Variants in MSI2 observed in about 807,000 individuals in gnomAD.
The protein encoded by MSI2 is RNA-binding protein Musashi homolog 2.
In MSI2, 17 loss-of-function variants were observed where a neutral mutation model predicts 45.6. The observed-to-expected ratio is 0.37, with a 90% CI of 0.26 to 0.56. MSI2 has a LOEUF of 0.56. Among genes scored for constraint, MSI2 ranks in the 20% least tolerant of loss-of-function variants. The pLI is 0.77. For missense variants in MSI2, 293 were observed against 444.2 expected (o/e 0.66, Z 3.06); for synonymous variants, 156 against 158.2 (o/e 0.99, Z 0.11).
chr17:57,554,870 C>T (rs1254300019), intron 7 of MSI2, among the ~76,000 whole-genome samples: 2 of 152,262 alleles, frequency 1.3e-5, no homozygotes, highest in African/African-American at 4.8e-5. Context: ...ACCATCCCTT[C>T]CTGCTGCTCG....
At chr17:57,608,681 TGTC>T (rs1906917323) in intron 8 of MSI2, among the ~76,000 whole-genome samples, 1 of 152,256 alleles carries the variant, frequency 6.6e-6, no homozygotes, top group Non-Finnish European at 1.5e-5. Context: ...AAGGACCCCT[TGTC>T]GTCTTTTTGT....
At chr17:57,260,191 A>T (rs927988378) in intron 4 of MSI2, 3 of 152,200 alleles carry the variant, frequency 2.0e-5, no homozygotes, top group Non-Finnish European at 2.9e-5. Context: ...TTTAAAAAAT[A>T]GTTGACAGGG....
intron 6 of MSI2, among the ~76,000 whole-genome samples, chr17:57,509,392 G>A (rs1327516632): frequency 6.6e-6 from 1 of 152,142 alleles, no homozygotes; most frequent in Non-Finnish European, 1.5e-5. Flanking sequence ...GGCCTCACCA[G>A]TCTGGCGTCA....
At chr17:57,495,873 C>T (rs1322803320) in intron 6 of MSI2, among the ~76,000 whole-genome samples, 1 of 152,170 alleles carries the variant, frequency 6.6e-6, no homozygotes, top group Non-Finnish European at 1.5e-5. Flanking sequence ...TATGTGGGAA[C>T]GCAGAGCACA....
At chr17:57,420,479 A>G (rs564994300) in intron 6 of MSI2, among the ~76,000 whole-genome samples, 9 of 152,316 alleles carry the variant, frequency 5.9e-5, no homozygotes, top group African/African-American at 2.4e-5. Context: ...GTCCATAGCC[A>G]TGTTTCAAAT....
intron 11 of MSI2, among the ~76,000 whole-genome samples, chr17:57,659,241 T>TG (rs1400597823): frequency 1.3e-5 from 2 of 151,030 alleles, no homozygotes; most frequent in South Asian, 2.1e-4. Context: ...TTTTTGTGTG[T>TG]TTTTTGTTTT....
intron 11 of MSI2, among the ~76,000 whole-genome samples, chr17:57,656,582 CT>C (rs11342924): frequency 0.02 from 3,082 of 152,242 alleles, 100 homozygotes; most frequent in African/African-American, 0.069. Context: ...GATCCTTGGT[CT>C]GCAGACAGGG....
chr17:57,672,180 A>G (rs960797811), intron 11 of MSI2, among the ~76,000 whole-genome samples: 4 of 152,232 alleles, frequency 2.6e-5, no homozygotes, highest in African/African-American at 9.6e-5. Context: ...GCAAGTGCGT[A>G]ATAAAACGGG....
chr17:57,516,340 C>A (rs2143974419), intron 6 of MSI2, among the ~76,000 whole-genome samples: 1 of 152,222 alleles, frequency 6.6e-6, no homozygotes, highest in South Asian at 2.1e-4. Context: ...TTGGTATGAT[C>A]CCTCTGGTCA....
At chr17:57,574,519 G>T (rs1318515485) in intron 7 of MSI2, among the ~76,000 whole-genome samples, 1 of 152,184 alleles carries the variant, frequency 6.6e-6, no homozygotes, top group African/African-American at 2.4e-5. Context: ...GCAATTCTGG[G>T]TCCTGTGTCC....
At chr17:57,528,904 A>G (rs1314982003) in intron 6 of MSI2, among the ~76,000 whole-genome samples, 1 of 152,224 alleles carries the variant, frequency 6.6e-6, no homozygotes, top group Non-Finnish European at 1.5e-5. Context: ...AGGATGTTCA[A>G]GCTTCACTGT....
intron 11 of MSI2, among the ~76,000 whole-genome samples, chr17:57,654,239 T>A (rs1044067416): frequency 6.6e-6 from 1 of 152,144 alleles, no homozygotes; most frequent in Non-Finnish European, 1.5e-5. Context: ...CCCAGGGCAA[T>A]GACTAGACTG....
chr17:57,499,496 A>T (rs1292453757), intron 6 of MSI2, among the ~76,000 whole-genome samples: 2 of 152,106 alleles, frequency 1.3e-5, no homozygotes, highest in Non-Finnish European at 2.9e-5. Flanking sequence ...GGAAATAATC[A>T]TAAAAGTTTC....
intron 6 of MSI2, among the ~76,000 whole-genome samples, chr17:57,515,282 C>T (rs1322882350): frequency 6.6e-6 from 1 of 152,226 alleles, no homozygotes; most frequent in East Asian, 1.9e-4. Context: ...CGGCTCGCCG[C>T]AACCTCCGCC....
intron 5 of MSI2, among the ~76,000 whole-genome samples, chr17:57,300,793 C>G (rs1282789379): frequency 6.6e-6 from 1 of 152,172 alleles, no homozygotes; most frequent in Middle Eastern, 3.2e-3. Flanking sequence ...GGGGTTTCCC[C>G]TTATAAAACC....
chr17:57,523,618 C>A (rs1427821104), intron 6 of MSI2: 1 of 152,252 alleles, frequency 6.6e-6, no homozygotes, highest in Non-Finnish European at 1.5e-5. Context: ...TTGCCAGTTT[C>A]TCTTGGCGCT....
At chr17:57,328,263 T>TATCC (rs3058093) in intron 5 of MSI2, among the ~76,000 whole-genome samples, 39,314 of 150,694 alleles carry the variant, frequency 0.26, 6,676 homozygotes, top group African/African-American at 0.49. Flanking sequence ...TGTATTCATC[T>TATCC]ATCCATCCAT....
chr17:57,566,820 C>T (rs1282001596), intron 7 of MSI2, among the ~76,000 whole-genome samples: 3 of 152,154 alleles, frequency 2.0e-5, no homozygotes, highest in Non-Finnish European at 4.4e-5. Flanking sequence ...TGTTCAGAGG[C>T]GCACCAAGGG....
chr17:57,454,647 G>C (rs1490911394), intron 6 of MSI2, among the ~76,000 whole-genome samples: 3 of 152,070 alleles, frequency 2.0e-5, no homozygotes, highest in Non-Finnish European at 2.9e-5. Flanking sequence ...ATGTTGGCCA[G>C]CATGGTCTCG....
Sources: gnomAD v4.1 joint callset for allele counts (sites outside exome capture counted in the v4.1 genomes callset) on GRCh38, gnomAD v4.1.1 for gene constraint, MANE v1.5 for transcripts, NCBI Gene and HGNC (gene_info 2026-07-23, HGNC 2026-07-21) for gene names.